The following TAFA2 variants were observed in gnomAD, a reference collection of about 807,000 sequenced individuals.
TAFA2 encodes chemokine-like protein TAFA-2.
Under a neutral mutation model 18.8 loss-of-function variants are expected in TAFA2, and 7 were observed. That is an observed-to-expected ratio of 0.37 (90% CI 0.21 to 0.70). The LOEUF is 0.70. TAFA2 is among the 30% of genes least tolerant of loss of function. The pLI is 0.53. For synonymous variants in TAFA2, 60 were observed against 54.2 expected, an observed-to-expected ratio of 1.11 and a Z score of -0.47; for missense variants, 122 against 158.1, an observed-to-expected ratio of 0.77 and a Z score of 1.23.
chr12:62,072,825 C>G (rs1486314434), intron 1 of TAFA2, among the ~76,000 whole-genome samples: 1 of 151,994 alleles, frequency 6.6e-6, no homozygotes, highest in African/African-American at 2.4e-5. Context: ...ATCAAAATAC[C>G]GAATGATCCA....
intron 1 of TAFA2, among the ~76,000 whole-genome samples, chr12:62,013,337 T>G (rs1592549467): frequency 6.6e-6 from 1 of 152,278 alleles, no homozygotes; most frequent in East Asian, 1.9e-4. Context: ...ATAACAGGTT[T>G]GAACTAATGC....
At chr12:61,804,001 C>T (rs1301177013) in intron 2 of TAFA2, among the ~76,000 whole-genome samples, 6 of 151,916 alleles carry the variant, frequency 3.9e-5, no homozygotes, top group Admixed American at 3.9e-4. Context: ...ACATGAAAAG[C>T]ATTATTAATC....
intron 1 of TAFA2, among the ~76,000 whole-genome samples, chr12:61,990,389 G>C (rs1210850693): frequency 7.4e-6 from 1 of 135,274 alleles, no homozygotes; most frequent in Non-Finnish European, 1.5e-5. Context: ...GCCCAGGCTG[G>C]AGTGCAGTGG....
chr12:61,738,080 C>T (rs1868334183), intron 4 of TAFA2, among the ~76,000 whole-genome samples: 1 of 151,894 alleles, frequency 6.6e-6, no homozygotes, highest in South Asian at 2.1e-4. Flanking sequence ...CTGCTAATTG[C>T]TGAATATCTA....
chr12:61,962,416 A>ATT (rs995285059), intron 1 of TAFA2, among the ~76,000 whole-genome samples: 6 of 151,966 alleles, frequency 3.9e-5, no homozygotes, highest in African/African-American at 1.4e-4. Context: ...AAATAAAATC[A>ATT]TGGTGGATGA....
chr12:61,884,243 G>A (rs569470651), intron 1 of TAFA2, among the ~76,000 whole-genome samples: 5 of 152,238 alleles, frequency 3.3e-5, no homozygotes, highest in South Asian at 2.1e-4. Context: ...GAATGCTGAC[G>A]GCGACATGGA....
intron 2 of TAFA2, among the ~76,000 whole-genome samples, chr12:61,799,526 TA>T (rs2120962517): frequency 6.6e-6 from 1 of 152,172 alleles, no homozygotes; most frequent in African/African-American, 2.4e-5. Flanking sequence ...TATATACATT[TA>T]AAGGTGACAA....
At chr12:61,910,588 A>G (rs1011428892) in intron 1 of TAFA2, among the ~76,000 whole-genome samples, 6 of 152,196 alleles carry the variant, frequency 3.9e-5, no homozygotes, top group African/African-American at 1.4e-4. Context: ...CAGCCCTGCC[A>G]TCAAGGAGCT....
chr12:62,236,175 T>A (rs979497861), intron 1 of TAFA2, among the ~76,000 whole-genome samples: 1 of 152,218 alleles, frequency 6.6e-6, no homozygotes, highest in African/African-American at 2.4e-5. Flanking sequence ...TGAAGGATTG[T>A]ATACCATAAT....
Position 62,070,840 on chromosome 12 carries a change from T to C in TAFA2, c.-2+120419A>G, listed in dbSNP as rs1035641524. Among the ~76,000 whole-genome samples the C allele has an allele frequency of 5.9e-5, 9 of 152,238 alleles. 1 individual carries two copies. The South Asian group carries it at 1.0e-3, about 18-fold the overall frequency. ...GCAGGGGACAGTGTCTGGTTTATTA[T>C]ATTCTTATTGTTCAGCTTTTGGTTA... is the stretch of plus-strand genomic sequence containing the variant. On this transcript the variant is annotated intron_variant, in intron 1 of 4. Coordinates refer to ENST00000416284, the MANE Select transcript of TAFA2 (RefSeq NM_178539.5).
In TAFA2 at chr12:62,220,240, A is replaced by T. The variant is rs953553135; in HGVS notation, c.-130+38523T>A. ...TAATCATTACTTTTAAAAAATTACA[A>T]AATTACACCCACTTACTAAAAAGGA... On this transcript the variant is annotated intron_variant, in intron 1 of 5. Coordinates refer to the TAFA2 transcript ENST00000551619. 2.0e-5 allele frequency among the ~76,000 whole-genome samples: 3 copies of T among 152,246 alleles called. No individual in the cohort carries two copies. In the East Asian group the frequency reaches 5.8e-4, roughly 29 times the overall value.
chr12:62,178,106 C>A (rs1369625725), intron 1 of TAFA2, among the ~76,000 whole-genome samples: 5 of 152,010 alleles, frequency 3.3e-5, no homozygotes, highest in Non-Finnish European at 5.9e-5. Context: ...TCAAAACCAG[C>A]CTGGGCAACA....
chr12:61,937,736 G>T (rs138883344), intron 1 of TAFA2, among the ~76,000 whole-genome samples: 2 of 152,128 alleles, frequency 1.3e-5, no homozygotes, highest in African/African-American at 4.8e-5. Flanking sequence ...TCTTCTGGAC[G>T]TTGGCCTAAG....
intron 1 of TAFA2, among the ~76,000 whole-genome samples, chr12:61,955,665 ATATATT>A (rs1555178829): frequency 3.3e-5 from 4 of 120,456 alleles, no homozygotes; most frequent in African/African-American, 1.4e-4. Context: ...ATATATATAT[ATATATT>A]TAATTTTAAA....
intron 2 of TAFA2, among the ~76,000 whole-genome samples, chr12:61,772,539 G>A (rs553180809): frequency 1.2e-3 from 189 of 152,020 alleles, no homozygotes; most frequent in South Asian, 2.5e-3. Flanking sequence ...TCATACCAGG[G>A]ATGCAGGGAT....
At chr12:61,778,532 T>C (rs1450549491) in intron 2 of TAFA2, among the ~76,000 whole-genome samples, 2 of 151,808 alleles carry the variant, frequency 1.3e-5, no homozygotes, top group African/African-American at 4.8e-5. Context: ...TGCATGACTT[T>C]ACTCATCACT....
At chr12:62,253,185 T>C (rs1043368070) in intron 1 of TAFA2, 3 of 152,218 alleles carry the variant, frequency 2.0e-5, no homozygotes, top group South Asian at 2.1e-4. Flanking sequence ...GCTTTGAGGA[T>C]AGAAGCTTGT....
chr12:62,000,042 C>T (rs1374537810), intron 1 of TAFA2, among the ~76,000 whole-genome samples: 6 of 152,146 alleles, frequency 3.9e-5, no homozygotes, highest in Non-Finnish European at 8.8e-5. Flanking sequence ...CAAAATAAAT[C>T]AGATGCTTAG....
chr12:62,145,755 G>T (rs1293255144), intron 1 of TAFA2: 3 of 152,254 alleles, frequency 2.0e-5, no homozygotes, highest in African/African-American at 4.8e-5. Flanking sequence ...CACTCTCTTG[G>T]TGAGGCATGC....
Sources: gnomAD v4.1 joint callset for allele counts (sites outside exome capture counted in the v4.1 genomes callset) on GRCh38, gnomAD v4.1.1 for gene constraint, MANE v1.5 for transcripts, NCBI Gene and HGNC (gene_info 2026-07-23, HGNC 2026-07-21) for gene names.